Variants in PLCE1 observed in about 807,000 individuals in gnomAD.
PLCE1 encodes 1-phosphatidylinositol 4,5-bisphosphate phosphodiesterase epsilon-1.
Under a neutral mutation model 242.8 loss-of-function variants are expected in PLCE1, and 119 were observed. That is an observed-to-expected ratio of 0.49 (90% CI 0.42 to 0.57). PLCE1 has a LOEUF of 0.57. Ranked by LOEUF, PLCE1 falls within the 20% of genes least tolerant of loss-of-function variation. PLCE1 has a pLI of 0.00. For missense variants in PLCE1, 2,441 were observed against 2,788.8 expected, an observed-to-expected ratio of 0.88 and a Z score of 2.81; for synonymous variants, 945 against 1,017.4, an observed-to-expected ratio of 0.93 and a Z score of 1.35.
intron 2 of PLCE1, among the ~76,000 whole-genome samples, chr10:94,034,005 G>A (rs2061615055): frequency 6.6e-6 from 1 of 152,110 alleles, no homozygotes. Context: ...AGGTTCAGTG[G>A]ACTCACAGTT....
At chr10:93,994,558 C>T (rs569300969) in intron 1 of PLCE1, among the ~76,000 whole-genome samples, 3 of 152,328 alleles carry the variant, frequency 2.0e-5, no homozygotes, top group Admixed American at 6.5e-5. Flanking sequence ...AACGTAAGCT[C>T]TTTTTGTGGC....
At chr10:94,309,540 G>A (rs1342027317) in intron 27 of PLCE1, among the ~76,000 whole-genome samples, 3 of 152,004 alleles carry the variant, frequency 2.0e-5, no homozygotes, top group Admixed American at 1.3e-4. Context: ...TGCCCAGGTT[G>A]GTTTTAAACT....
chr10:94,202,012 C>G (rs1229831024), intron 4 of PLCE1, among the ~76,000 whole-genome samples: 2 of 152,154 alleles, frequency 1.3e-5, no homozygotes, highest in Non-Finnish European at 2.9e-5. Flanking sequence ...GCCACTCTTT[C>G]TGCCAAGTTA....
intron 4 of PLCE1, among the ~76,000 whole-genome samples, chr10:94,191,606 A>G (rs1396875665): frequency 6.6e-6 from 1 of 152,182 alleles, no homozygotes; most frequent in Non-Finnish European, 1.5e-5. Flanking sequence ...GTGCCACTGC[A>G]TTCCAGCCTG....
chr10:94,124,984 C>A (rs1192450278), intron 2 of PLCE1, among the ~76,000 whole-genome samples: 1 of 152,144 alleles, frequency 6.6e-6, no homozygotes, highest in Non-Finnish European at 1.5e-5. Flanking sequence ...TCAGCAAATA[C>A]AGGTGACAGT....
chr10:94,270,617 A>G lies in PLCE1; in HGVS notation c.4506+15A>G. 1 of 1,427,898 alleles carries G rather than the reference A, an allele frequency of 7.0e-7. No individual in the cohort carries two copies. Among genetic ancestry groups the G allele is most frequent in the Non-Finnish European group, 9.9e-7 (1 of 1,010,070 alleles). 88.5% of individuals were successfully genotyped at this position (1,427,898 alleles called of 1,614,324 possible). On this transcript the variant is annotated intron_variant, in intron 18 of 32. Coordinates refer to ENST00000371380, the MANE Select transcript of PLCE1 (RefSeq NM_016341.4). ...AAATTTTCAAGGTGAGCTCTCAACA[A>G]AAAGGCAGGATGGTATGTTGGCCCT...
chr10:94,321,010 AAGATAC>A (rs1406968242), intron 29 of PLCE1, among the ~76,000 whole-genome samples: 1 of 152,210 alleles, frequency 6.6e-6, no homozygotes, highest in African/African-American at 2.4e-5. Context: ...AATTTTTAAT[AAGATAC>A]ATATATCTGT....
At chr10:94,258,102 A>G (rs2132936811) in intron 11 of PLCE1, among the ~76,000 whole-genome samples, 1 of 152,270 alleles carries the variant, frequency 6.6e-6, no homozygotes, top group South Asian at 2.1e-4. Flanking sequence ...ATATAATCCT[A>G]GTCAAAGCTG....
chr10:94,262,901 C>G (rs1383598269), intron 14 of PLCE1, among the ~76,000 whole-genome samples, 169 bp downstream of exon 14: 2 of 150,968 alleles, frequency 1.3e-5, no homozygotes, highest in Non-Finnish European at 2.9e-5. Context: ...GAGACAGAGT[C>G]TTACTCTGTG....
chr10:94,157,814 C>T (rs1016195256), intron 3 of PLCE1, among the ~76,000 whole-genome samples: 3 of 152,182 alleles, frequency 2.0e-5, no homozygotes, highest in Non-Finnish European at 2.9e-5. Flanking sequence ...AGAAAACCTT[C>T]GAGTCAGTGT....
intron 20 of PLCE1, among the ~76,000 whole-genome samples, chr10:94,281,217 C>G (rs2052202491): frequency 6.6e-6 from 1 of 152,138 alleles, no homozygotes; most frequent in Non-Finnish European, 1.5e-5. Context: ...AAAAATCACA[C>G]CTAAGAAATC....
At chr10:94,246,672 A>C (rs370679845) in intron 8 of PLCE1, 51 bp downstream of exon 8, 1 of 1,528,972 alleles carries the variant, frequency 6.5e-7, no homozygotes, top group Non-Finnish European at 9.0e-7. Context: ...ACTCAAGAGC[A>C]CACACTGGGT....
intron 4 of PLCE1, among the ~76,000 whole-genome samples, chr10:94,172,175 G>A (rs776168241): frequency 1.4e-4 from 21 of 152,174 alleles, no homozygotes; most frequent in South Asian, 2.1e-4. Flanking sequence ...AGAGCCACTG[G>A]CTGACATCCC....
At chr10:94,310,260 C>G (rs1160175991) in intron 27 of PLCE1, among the ~76,000 whole-genome samples, 2 of 152,220 alleles carry the variant, frequency 1.3e-5, no homozygotes, top group African/African-American at 4.8e-5. Flanking sequence ...TTTCTGCTTT[C>G]TTTTCTGCCC....
intron 1 of PLCE1, among the ~76,000 whole-genome samples, chr10:94,014,136 C>G (rs2061228854): frequency 6.6e-6 from 1 of 152,084 alleles, no homozygotes; most frequent in African/African-American, 2.4e-5. Context: ...TCATCTGTTG[C>G]CTTTTAGTAG....
chr10:94,048,173 C>A (rs950947529), intron 2 of PLCE1, among the ~76,000 whole-genome samples: 4 of 152,076 alleles, frequency 2.6e-5, no homozygotes, highest in South Asian at 2.1e-4. Flanking sequence ...GTGCATTCTC[C>A]AGTTGATGGA....
At chr10:94,219,365 T>C (rs1055410155) in intron 4 of PLCE1, among the ~76,000 whole-genome samples, 1 of 152,230 alleles carries the variant, frequency 6.6e-6, no homozygotes, top group African/African-American at 2.4e-5. Flanking sequence ...AACCCACCAA[T>C]GTTTTTAAAA....
chr10:94,244,113 C>CT (rs908010422), intron 7 of PLCE1, among the ~76,000 whole-genome samples: 30 of 151,502 alleles, frequency 2.0e-4, no homozygotes, highest in African/African-American at 5.1e-4. Context: ...TTGTGGTAGA[C>CT]TTTTTTTTTA....
Position 94,254,229 on chromosome 10 carries a change from C to T in PLCE1, c.3319C>T (p.Arg1107Ter). ...GGTAACTGACGATGAGATGGCAACC[C>T]GAAAGGCCAAGATGCACAAAGAGTG... Reference protein sequence around the residue: ...GEVTDDEMATRKAKMHKECRS... With the variant: ...GEVTDDEMAT Residue 1107 changes from arginine to a stop codon, truncating the protein, a stop_gained, in exon 10 of 33, where the codon CGA becomes TGA. Coordinates refer to ENST00000371380, the MANE Select transcript of PLCE1 (RefSeq NM_016341.4). LOFTEE classifies it high-confidence loss of function. The T allele has an allele frequency of 3.1e-6, 5 of 1,613,948 alleles. No individual in the cohort carries two copies. Among genetic ancestry groups the T allele is most frequent in the Non-Finnish European group, 4.2e-6 (5 of 1,179,930 alleles).
Sources: allele counts gnomAD v4.1 joint callset (sites outside exome capture counted in the v4.1 genomes callset), GRCh38; gene constraint gnomAD v4.1.1; transcripts MANE v1.5; gene names NCBI Gene and HGNC (gene_info 2026-07-23, HGNC 2026-07-21).